SAP130: variants seen among roughly 807,000 people sequenced by gnomAD.
SAP130 encodes Sin3A associated protein 130, also known as histone deacetylase complex subunit SAP130.
SAP130 carries 16 observed loss-of-function variants against 103.2 expected under a neutral mutation model. The observed-to-expected ratio is 0.16, with a 90% CI of 0.10 to 0.24. The LOEUF (loss-of-function observed/expected upper bound fraction) is 0.24. SAP130 is among the 10% of genes least tolerant of loss of function. SAP130 has a pLI of 1.00. For missense variants in SAP130, 990 were observed against 1,359.7 expected (o/e 0.73, Z 4.28); for synonymous variants, 477 against 497.0 (o/e 0.96, Z 0.53).
Position 127,956,159 on chromosome 2 carries a change from A to T in SAP130, c.2064-815T>A, listed in dbSNP as rs116440519. On this transcript the variant is annotated intron_variant, in intron 15 of 20. Transcript: ENST00000643581. ...AAATGGAATTTCCATAAAAACTCTA[A>T]AAGACTGGGTTCAGGAGCTTCTGGG... Among the ~76,000 whole-genome samples the T allele has an allele frequency of 4.5e-3, 692 of 152,300 alleles. 7 individuals are homozygous for T. The highest frequency in any genetic ancestry group is 0.016 in the African/African-American group (650 of 41,562).
chr2:127,969,972 G>C lies in SAP130; in HGVS notation c.2063+8013C>G, dbSNP rs555190350. 3.3e-5 allele frequency among the ~76,000 whole-genome samples: 5 copies of C among 152,290 alleles called. 1 individual carries two copies. The South Asian group carries it at 1.0e-3, about 32-fold the overall frequency. The stretch of plus-strand genomic sequence containing the variant: ...AGGCCAGACGCAGTGGCTCACGCCT[G>C]TAATACCAGCACTCTGGGAGGCCGA... On this transcript the variant is annotated intron_variant, in intron 15 of 20. Transcript: ENST00000643581.
chr2:128,012,704 C>T (rs1462521382), intron 6 of SAP130, among the ~76,000 whole-genome samples: 1 of 151,764 alleles, frequency 6.6e-6, no homozygotes, highest in Non-Finnish European at 1.5e-5. Context: ...CAGATCCCCC[C>T]AATCCAAATT....
intron 2 of SAP130, among the ~76,000 whole-genome samples, chr2:128,022,293 C>T (rs746268490): frequency 1.3e-5 from 2 of 152,152 alleles, no homozygotes; most frequent in Non-Finnish European, 2.9e-5. Flanking sequence ...TAGTCTGGTC[C>T]TTTTTATTGC....
chr2:127,983,145 C>G (rs1682077487), intron 14 of SAP130, among the ~76,000 whole-genome samples: 1 of 152,186 alleles, frequency 6.6e-6, no homozygotes, highest in Non-Finnish European at 1.5e-5. Context: ...AAAAGGCATA[C>G]AGATACACCT....
At chr2:127,945,815 G>A (rs1199209465) in intron 18 of SAP130, among the ~76,000 whole-genome samples, 1 of 152,048 alleles carries the variant, frequency 6.6e-6, no homozygotes, top group African/African-American at 2.4e-5. Context: ...ATCATGCTGG[G>A]CTCACTTTTG....
At chr2:127,950,079 GCTGA>G (rs1316358134) in intron 17 of SAP130, 77 bp downstream of exon 17, 3 of 1,607,974 alleles carry the variant, frequency 1.9e-6, no homozygotes, top group Non-Finnish European at 1.7e-6. Flanking sequence ...TACGAGTGAG[GCTGA>G]CTATGTAACG....
chr2:127,960,048 G>A (rs1424177310), intron 15 of SAP130, among the ~76,000 whole-genome samples: 2 of 152,090 alleles, frequency 1.3e-5, no homozygotes, highest in African/African-American at 4.8e-5. Flanking sequence ...AAGAGCCATC[G>A]CATCTGCCTT....
At chr2:127,994,458 G>A (rs1366860968) in intron 11 of SAP130, among the ~76,000 whole-genome samples, 1 of 152,150 alleles carries the variant, frequency 6.6e-6, no homozygotes, top group African/African-American at 2.4e-5. Flanking sequence ...CAGGTGTGGT[G>A]GCACACGCCT....
intron 16 of SAP130, among the ~76,000 whole-genome samples, chr2:127,950,611 T>A (rs1679432107): frequency 6.6e-6 from 1 of 152,234 alleles, no homozygotes. Context: ...TCATCTTCCT[T>A]AGGTCCAGGA....
At position 127,966,535 on chromosome 2, in the gene SAP130, T is replaced by C. The variant is rs372292755; in HGVS notation, c.2064-11191A>G. Among the ~76,000 whole-genome samples the C allele has an allele frequency of 7.8e-4, 118 of 151,842 alleles. 4 individuals are homozygous for C. The South Asian group carries it at 0.024, about 31-fold the overall frequency. ...CTGGCCAACATGGTGAAACCCTGTC[T>C]CTACTAAAAATACAAAAATTAGCCG... On this transcript the variant is annotated intron_variant, in intron 15 of 20. Coordinates refer to ENST00000643581, the MANE Select transcript of SAP130 (RefSeq NM_001330301.2).
At chr2:127,960,069 A>C (rs1489092635) in intron 15 of SAP130, among the ~76,000 whole-genome samples, 2 of 152,150 alleles carry the variant, frequency 1.3e-5, no homozygotes, top group Non-Finnish European at 2.9e-5. Flanking sequence ...AGAATCAATG[A>C]GGCCGAAGAT....
intron 15 of SAP130, among the ~76,000 whole-genome samples, chr2:127,957,322 G>C (rs2461439): frequency 0.79 from 119,378 of 152,038 alleles, 48,320 homozygotes; most frequent in Non-Finnish European, 0.88. Flanking sequence ...AAGTGTAAAG[G>C]CTGAAAGGGG....
chr2:127,958,635 TGAGAGAGAGAGAGAGAGAGAGA>T (rs372337440), intron 15 of SAP130, among the ~76,000 whole-genome samples: 31 of 127,706 alleles, frequency 2.4e-4, no homozygotes, highest in Non-Finnish European at 2.9e-4. Context: ...GTGAGACAGA[TGAGAGAGAGAGAGAGAGAGAGA>T]GAGAGAGAGA....
rs554289499 is a variant in SAP130, at chr2:127,968,836, T to C, written c.2063+9149A>G. ...CTGACAAGCACTTTCAAGTTCTGTA[T>C]GACTAACGTTTTCTCCATTACTTTC... is the stretch of plus-strand genomic sequence containing the variant. On this transcript the variant is annotated intron_variant, in intron 15 of 20. Coordinates refer to ENST00000643581, the MANE Select transcript of SAP130 (RefSeq NM_001330301.2). Among the ~76,000 whole-genome samples the C allele has an allele frequency of 1.1e-4, 17 of 152,236 alleles. No homozygotes were observed. In the South Asian group the frequency reaches 2.7e-3, roughly 24 times the overall value.
chr2:128,008,683 CTGTT>C lies in SAP130; in HGVS notation c.869+1582_869+1585del, dbSNP rs371021705. ...ACTGCACCTAGCCTAAATCCTTTTC[CTGTT>C]TGTTTTTTTTTTGGTGGAGATGGGG... is the stretch of plus-strand genomic sequence containing the variant. On this transcript the variant is annotated intron_variant, in intron 7 of 20. Coordinates refer to ENST00000643581, the MANE Select transcript of SAP130 (RefSeq NM_001330301.2). Among the ~76,000 whole-genome samples the C allele has an allele frequency of 4.2e-3, 626 of 150,496 alleles. 3 individuals are homozygous for C. The highest frequency in any genetic ancestry group is 0.015 in the African/African-American group (595 of 40,926).
At position 127,941,818 on chromosome 2, in the gene SAP130, G is replaced by T; in HGVS notation, c.*188C>A. On this transcript the variant is annotated 3_prime_UTR_variant, in exon 21 of 21. Coordinates refer to ENST00000643581, the MANE Select transcript of SAP130 (RefSeq NM_001330301.2). Reference sequence around the variant, plus strand: ...GGGTGCACCCGAACGCAAGAAGGCAGCTCACTATGTCCAGTCAGCTCTGAT... The same window carrying T: ...GGGTGCACCCGAACGCAAGAAGGCATCTCACTATGTCCAGTCAGCTCTGAT... 1.7e-6 allele frequency: 1 copy of T among 587,910 alleles called. No homozygotes were observed. Among genetic ancestry groups the T allele is most frequent in the Non-Finnish European group, 2.9e-6 (1 of 339,994 alleles). The allele number at this position is 587,910 out of a possible 1,614,324, so 36.4% of individuals were successfully genotyped here.
At chr2:127,990,009 T>C in intron 12 of SAP130, 143 bp from the exon 13 acceptor site, 1 of 769,516 alleles carries the variant, frequency 1.3e-6, no homozygotes, top group Non-Finnish European at 2.0e-6. Flanking sequence ...AAATAAACAT[T>C]GTTACTTGAA....
In SAP130 at chr2:127,942,251, T is replaced by C. The variant is rs1041360718; in HGVS notation, c.3016-87A>G. On this transcript the variant is annotated intron_variant, in intron 20 of 20. Coordinates refer to ENST00000643581, the MANE Select transcript of SAP130 (RefSeq NM_001330301.2). This position sits in a 1 kb window ranked among gnomAD's most constrained non-coding sequence, Gnocchi z 4.8. ...ACTGCTTGCCTTTGGGCAGAGGCCA[T>C]GTTGAGGCTTCCACAACAGAGAAAA... 4 of 1,316,976 alleles carry C rather than the reference T, an allele frequency of 3.0e-6. No homozygotes were observed. Among genetic ancestry groups the C allele is most frequent in the African/African-American group, 1.5e-5 (1 of 67,630 alleles). 81.6% of individuals were successfully genotyped at this position (1,316,976 alleles called of 1,614,324 possible). A position where few individuals can be genotyped will look rare whatever the true frequency, so the allele number is the denominator to read the frequency against.
rs576879470 is a variant in SAP130, at chr2:127,955,092, T to C, written c.2316A>G (p.Pro772=). 5.6e-6 allele frequency: 9 copies of C among 1,613,994 alleles called. No individual in the cohort carries two copies. The highest frequency in any genetic ancestry group is 1.7e-5 in the Admixed American group (1 of 59,994). ...PITTIAAAPP[P]SVTVGGSLSS... Reference sequence around the variant, plus strand: ...AAAGACTGCCACCCACAGTGACTGATGGAGGTGGTGCAGCTGCAATGGTGG... The same window carrying C: ...AAAGACTGCCACCCACAGTGACTGACGGAGGTGGTGCAGCTGCAATGGTGG... Residue 772 remains proline, a synonymous_variant, in exon 16 of 21, where the codon CCA becomes CCG. Transcript: ENST00000643581. The surrounding 1 kb of genome is among the most constrained non-coding windows in gnomAD (Gnocchi z 4.9).
Sources: gnomAD v4.1 joint callset for allele counts (sites outside exome capture counted in the v4.1 genomes callset) on GRCh38, gnomAD v4.1.1 for gene constraint, Gnocchi (gnomAD v3.1) non-coding constraint, MANE v1.5 for transcripts, NCBI Gene and HGNC (gene_info 2026-07-23, HGNC 2026-07-21) for gene names.